The following SUSD1 variants were observed in gnomAD, a reference collection of about 807,000 sequenced individuals.
SUSD1 encodes sushi domain-containing protein 1.
In SUSD1, 65 loss-of-function variants were observed where a neutral mutation model predicts 86.9. The ratio of observed to expected loss-of-function variants is 0.75; its 90% CI spans 0.61 to 0.92. The LOEUF is 0.92. SUSD1 is among the 40% of genes least tolerant of loss of function. The probability of loss-of-function intolerance (pLI) is 0.00; values close to 1 mark genes in which losing one functional copy is unlikely to be tolerated. For synonymous variants in SUSD1, 346 were observed against 350.0 expected, an observed-to-expected ratio of 0.99 and a Z score of 0.13; for missense variants, 850 against 929.7, an observed-to-expected ratio of 0.91 and a Z score of 1.11.
rs1048235452 is a variant in SUSD1, at chr9:112,041,083, T to G, written c.*409A>C. 7.2e-6 allele frequency: 2 copies of G among 276,406 alleles called. No homozygotes were observed. Among genetic ancestry groups the G allele is most frequent in the Non-Finnish European group, 1.4e-5 (2 of 146,644 alleles). The allele number at this position is 276,406 out of a possible 1,614,324, so 17.1% of individuals were successfully genotyped here. A position where few individuals can be genotyped will look rare whatever the true frequency, so the allele number is the denominator to read the frequency against. ...TTGTAAAGAATGGATTCTGAATGAA[T>G]TAACAGAAATGCTTTTATATAGGAG... On this transcript the variant is annotated 3_prime_UTR_variant, in exon 17 of 17. Coordinates refer to ENST00000374270, the MANE Select transcript of SUSD1 (RefSeq NM_022486.5).
intron 15 of SUSD1, 175 bp from the exon 16 acceptor site, chr9:112,042,135 A>G: frequency 1.3e-6 from 2 of 1,539,550 alleles, no homozygotes; most frequent in Non-Finnish European, 8.7e-7. Context: ...GTGGATATGC[A>G]GCCTCAGGAA....
chr9:112,042,204 C>T, intron 15 of SUSD1: 1 of 1,520,668 alleles, frequency 6.6e-7, no homozygotes. Flanking sequence ...GTTAAAGTTA[C>T]AAGGGAGAAA....
chr9:112,127,272 C>T (rs1279628302), intron 5 of SUSD1, among the ~76,000 whole-genome samples: 1 of 152,172 alleles, frequency 6.6e-6, no homozygotes, highest in Admixed American at 6.5e-5. Context: ...ACTCAGGAGA[C>T]TGGGGCACAA....
chr9:112,151,771 C>T (rs1833056899), intron 2 of SUSD1, among the ~76,000 whole-genome samples: 1 of 151,440 alleles, frequency 6.6e-6, no homozygotes, highest in Non-Finnish European at 1.5e-5. Context: ...GGTGCGGTGG[C>T]TCATGCCTGT....
intron 10 of SUSD1, among the ~76,000 whole-genome samples, chr9:112,097,770 C>T (rs550972630): frequency 6.6e-6 from 1 of 152,074 alleles, no homozygotes; most frequent in African/African-American, 2.4e-5. Context: ...TATCACAGAG[C>T]GGCTTCAGGG....
intron 5 of SUSD1, among the ~76,000 whole-genome samples, chr9:112,129,047 G>T (rs893440643): frequency 6.6e-6 from 1 of 152,086 alleles, no homozygotes; most frequent in East Asian, 1.9e-4. Flanking sequence ...GAGAAAGGTT[G>T]GGAGAAGAAT....
At chr9:112,141,635 C>G (rs888030020) in intron 5 of SUSD1, among the ~76,000 whole-genome samples, 1 of 137,886 alleles carries the variant, frequency 7.3e-6, no homozygotes, top group Non-Finnish European at 1.5e-5. Flanking sequence ...CAAGGTTGTG[C>G]CACTACACTG....
In SUSD1 at chr9:112,149,341, G is replaced by A; in HGVS notation, c.276C>T (p.His92=). The A allele has an allele frequency of 6.2e-7, 1 of 1,614,182 alleles. No individual in the cohort carries two copies. Among genetic ancestry groups the A allele is most frequent in the East Asian group, 2.2e-5 (1 of 44,878 alleles). ...TGCAATAGAAGCCCCCGGGGGTGTT[G>A]TGGCAAGATGTGTGGTTCCCACAGA... ...TLVCGNHTSC[H]NTPGGFYCIC... is the part of the protein sequence containing the mutation. Residue 92 remains histidine, a synonymous_variant, in exon 3 of 17, where the codon CAC becomes CAT. Transcript: ENST00000374270.
At chr9:112,156,868 T>C (rs1441317035) in intron 2 of SUSD1, among the ~76,000 whole-genome samples, 1 of 152,244 alleles carries the variant, frequency 6.6e-6, no homozygotes, top group Non-Finnish European at 1.5e-5. Flanking sequence ...CATTTACTAT[T>C]GTAAAATTGT....
intron 10 of SUSD1, among the ~76,000 whole-genome samples, chr9:112,083,573 A>G (rs1829856695): frequency 6.6e-6 from 1 of 152,218 alleles, no homozygotes. Context: ...ATACTGATTG[A>G]AAAAGCTTTT....
chr9:112,090,260 A>G lies in SUSD1; in HGVS notation c.1474+8210T>C, dbSNP rs145593129. ...CAAATAAATTTTAAAACTTAGACGA[A>G]ATAGGTAATTCCTTGCAAAATCTGG... On this transcript the variant is annotated intron_variant, in intron 10 of 16. Transcript: ENST00000374270. 3.4e-4 allele frequency among the ~76,000 whole-genome samples: 52 copies of G among 152,322 alleles called. No individual in the cohort carries two copies. In the East Asian group the frequency reaches 0.01, roughly 29 times the overall value.
intron 14 of SUSD1, among the ~76,000 whole-genome samples, chr9:112,053,928 GA>G (rs1828335239): frequency 6.6e-6 from 1 of 152,200 alleles, no homozygotes; most frequent in African/African-American, 2.4e-5. Context: ...GGAGAGGAAA[GA>G]ATGATTTTAA....
At chr9:112,157,415 T>A in intron 2 of SUSD1, 85 bp downstream of exon 2, 1 of 883,480 alleles carries the variant, frequency 1.1e-6, no homozygotes, top group Non-Finnish European at 1.8e-6. Context: ...AACAATGTTT[T>A]TCCCCAAGGA....
intron 8 of SUSD1, among the ~76,000 whole-genome samples, chr9:112,111,058 G>A (rs1300810991): frequency 2.0e-5 from 3 of 151,946 alleles, no homozygotes; most frequent in Admixed American, 6.6e-5. Context: ...GTGCAATCTC[G>A]GTTCACTCAC....
At chr9:112,149,556 C>T (rs1832957403) in intron 2 of SUSD1, among the ~76,000 whole-genome samples, 157 bp from the exon 3 acceptor site, 1 of 152,174 alleles carries the variant, frequency 6.6e-6, no homozygotes, top group African/African-American at 2.4e-5. Flanking sequence ...ACGATGCTCC[C>T]CAGACTACAG....
At chr9:112,112,340 G>A (rs1159475427) in intron 7 of SUSD1, among the ~76,000 whole-genome samples, 1 of 152,086 alleles carries the variant, frequency 6.6e-6, no homozygotes, top group East Asian at 1.9e-4. Flanking sequence ...GGATCAGAAA[G>A]CAATTAGATT....
Position 112,143,563 on chromosome 9 carries a change from T to C in SUSD1, c.434A>G (p.His145Arg). Reference protein sequence around the residue: ...CRHGGRCVNTHGSFECYCMDG... With the variant: ...CRHGGRCVNTRGSFECYCMDG... ...CATACAGTAGCATTCAAAGCTCCCA[T>C]GAGTGTTCACGCATCGCCCTCCATG... The change falls in exon 4 of 17, where the codon CAT becomes CGT. Residue 145 changes from histidine to arginine, a missense_variant. By Grantham distance (29) the His-to-Arg change is conservative (BLOSUM62 0). Coordinates refer to ENST00000374270, the MANE Select transcript of SUSD1 (RefSeq NM_022486.5). The C allele has an allele frequency of 1.9e-6, 3 of 1,614,044 alleles. No homozygotes were observed. The highest frequency in any genetic ancestry group is 2.5e-6 in the Non-Finnish European group (3 of 1,180,010).
intron 5 of SUSD1, among the ~76,000 whole-genome samples, chr9:112,126,678 T>C (rs1452597513): frequency 6.6e-6 from 1 of 152,176 alleles, no homozygotes; most frequent in African/African-American, 2.4e-5. Flanking sequence ...CTAACAGCTA[T>C]ACGTCTGAAT....
intron 12 of SUSD1, among the ~76,000 whole-genome samples, chr9:112,064,630 C>T (rs1254849518): frequency 6.6e-6 from 1 of 151,458 alleles, no homozygotes; most frequent in Non-Finnish European, 1.5e-5. Flanking sequence ...AATCCCAGCA[C>T]TTTGGAAGGC....
Sources: allele counts gnomAD v4.1 joint callset (sites outside exome capture counted in the v4.1 genomes callset), GRCh38; gene constraint gnomAD v4.1.1; transcripts MANE v1.5; gene names NCBI Gene and HGNC (gene_info 2026-07-23, HGNC 2026-07-21).